The following EPB41 variants were observed in gnomAD, a reference collection of about 807,000 sequenced individuals.
EPB41 encodes the protein protein 4.1.
Under a neutral mutation model 108.0 loss-of-function variants are expected in EPB41, and 65 were observed. The observed-to-expected ratio is 0.60, with a 90% CI of 0.49 to 0.74. The LOEUF (loss-of-function observed/expected upper bound fraction) is 0.74, where lower values mean the gene tolerates loss of function less well. EPB41 is among the 30% of genes least tolerant of loss of function. The pLI, the probability that EPB41 is intolerant of heterozygous loss-of-function variation, is 0.00. For synonymous variants in EPB41, 336 were observed against 358.9 expected, an observed-to-expected ratio of 0.94 and a Z score of 0.72; for missense variants, 875 against 1,037.0, an observed-to-expected ratio of 0.84 and a Z score of 2.15.
intron 7 of EPB41, among the ~76,000 whole-genome samples, chr1:29,029,249 T>C (rs1174582638): frequency 6.6e-6 from 1 of 152,154 alleles, no homozygotes; most frequent in Non-Finnish European, 1.5e-5. Context: ...TTTTTAATCT[T>C]CAATTTCAGG....
chr1:28,987,353 T>C (rs1557920512), intron 1 of EPB41, 78 bp from the exon 2 acceptor site: 9 of 1,258,150 alleles, frequency 7.2e-6, no homozygotes, highest in Non-Finnish European at 9.3e-6. Context: ...GTATATTAAT[T>C]TTTTAGGGTT....
At chr1:29,069,417 T>C (rs528064671) in intron 16 of EPB41, 1 of 1,227,638 alleles carries the variant, frequency 8.1e-7, no homozygotes, top group South Asian at 4.3e-5. Flanking sequence ...TTGCTTAAAG[T>C]AATGTATAAA....
chr1:28,993,551 G>A lies in EPB41; in HGVS notation c.681+9G>A, dbSNP rs1243546789. 1.9e-6 allele frequency: 3 copies of A among 1,612,050 alleles called. No individual in the cohort carries two copies. The highest frequency in any genetic ancestry group is 1.7e-5 in the Admixed American group (1 of 59,928). On this transcript the variant is annotated intron_variant, in intron 3 of 20. Transcript: ENST00000343067. ...ATGAATGTGTTGTGGAGGTGAGTATGTTTTCATTTCCAACAATCAGAACTC... is the reference window on the plus strand; with the variant it reads ...ATGAATGTGTTGTGGAGGTGAGTATATTTTCATTTCCAACAATCAGAACTC...
At chr1:29,109,254 A>G in intron 17 of EPB41, 82 bp from the exon 18 acceptor site, 1 of 1,025,358 alleles carries the variant, frequency 9.8e-7, no homozygotes, top group South Asian at 1.3e-5. Context: ...CAGAATGTGC[A>G]GCTGAAGAGC....
intron 1 of EPB41, among the ~76,000 whole-genome samples, chr1:28,899,680 C>G (rs1302650041): frequency 6.6e-6 from 1 of 152,060 alleles, no homozygotes; most frequent in African/African-American, 2.4e-5. Flanking sequence ...GGTTCACAGC[C>G]CCAAAAATGG....
In EPB41 at chr1:29,030,541, CAT is replaced by C. The variant is rs2096775211; in HGVS notation, c.1212+55_1212+56del. 6.3e-6 allele frequency: 8 copies of C among 1,279,450 alleles called. No individual in the cohort carries two copies. The South Asian group carries it at 9.5e-5, about 15-fold the overall frequency. The allele number at this position is 1,279,450 out of a possible 1,614,324, so 79.3% of individuals were successfully genotyped here. A position where few individuals can be genotyped will look rare whatever the true frequency, so the allele number is the denominator to read the frequency against. ...TGCATGTGGAAGATATTATATGATA[CAT>C]GTCTGTTATGTATGTATCACATCTG... is the stretch of plus-strand genomic sequence containing the variant. On this transcript the variant is annotated intron_variant, in intron 8 of 20. Transcript: ENST00000343067.
chr1:29,056,255 CAACAAAACAAAACAA>C (rs1184414197), intron 12 of EPB41, among the ~76,000 whole-genome samples: 1 of 146,650 alleles, frequency 6.8e-6, no homozygotes, highest in Non-Finnish European at 1.5e-5. Flanking sequence ...AAACAAAAAA[CAACAAAACAAAACAA>C]AACAAAACAA....
At chr1:29,113,327 T>A (rs774437158) in intron 19 of EPB41, among the ~76,000 whole-genome samples, 1 of 152,208 alleles carries the variant, frequency 6.6e-6, no homozygotes, top group Non-Finnish European at 1.5e-5. Context: ...GTGGCCTTTT[T>A]ATGCTGATAT....
chr1:28,993,336 C>T lies in EPB41; in HGVS notation c.475C>T (p.Gln159Ter). 1 of 1,612,344 alleles carries T rather than the reference C, an allele frequency of 6.2e-7. No individual in the cohort carries two copies. Among genetic ancestry groups the T allele is most frequent in the Non-Finnish European group, 8.5e-7 (1 of 1,179,872 alleles). Residue 159 changes from glutamine to a stop codon, truncating the protein, a stop_gained, in exon 3 of 21, where the codon CAG becomes TAG. Transcript: ENST00000343067. LOFTEE classifies it high-confidence loss of function. ...SLSSAETQPA[Q>*]EELREDPDFE... ...CGATGTCATGGATATGTAGCCTGCT[C>T]AGGAAGAACTCAGAGAAGATCCAGA...
rs1279955637 is a variant in EPB41 at position 29,099,284 on chromosome 1, AAAG to A, written c.2313+1363_2313+1365del. On this transcript the variant is annotated intron_variant, in intron 17 of 20. Transcript: ENST00000343067. ...CCACTGCATTAAAAAAAAAAAAAAAAAAGAAGAAGAAGAAGAGATTACTGGTGA... is the reference window on the plus strand; with the variant it reads ...CCACTGCATTAAAAAAAAAAAAAAAAAAGAAGAAGAAGAGATTACTGGTGA... Among the ~76,000 whole-genome samples the A allele has an allele frequency of 1.6e-3, 238 of 150,430 alleles. 2 individuals are homozygous for A. The highest frequency in any genetic ancestry group is 3.4e-3 in the Middle Eastern group (1 of 290).
intron 7 of EPB41, 104 bp from the exon 8 acceptor site, chr1:29,030,296 G>A (rs2096772246): frequency 1.2e-6 from 1 of 853,446 alleles, no homozygotes; most frequent in African/African-American, 1.7e-5. Context: ...TAATATAGTG[G>A]TATGTATATG....
intron 1 of EPB41, among the ~76,000 whole-genome samples, chr1:28,983,466 T>G (rs1231386456): frequency 6.6e-6 from 1 of 152,186 alleles, no homozygotes; most frequent in East Asian, 1.9e-4. Flanking sequence ...ATTAGAATTG[T>G]AGAATCTCAG....
At chr1:28,974,447 G>A (rs909699411) in intron 1 of EPB41, among the ~76,000 whole-genome samples, 16 of 152,174 alleles carry the variant, frequency 1.1e-4, no homozygotes, top group African/African-American at 3.9e-4. Flanking sequence ...AAGGGTAGAG[G>A]TTAGTGAGGT....
At chr1:29,036,315 C>T (rs971693082) in intron 10 of EPB41, among the ~76,000 whole-genome samples, 5 of 143,538 alleles carry the variant, frequency 3.5e-5, no homozygotes, top group Non-Finnish European at 6.0e-5. Flanking sequence ...GCTGGAGTGC[C>T]GTGGCGCGAT....
intron 11 of EPB41, among the ~76,000 whole-genome samples, chr1:29,046,545 A>T (rs1027250237): frequency 3.3e-5 from 5 of 152,154 alleles, no homozygotes; most frequent in African/African-American, 1.2e-4. Context: ...TCCATCTCGC[A>T]TTTTTAATTT....
At chr1:28,922,204 C>G (rs2093147772) in intron 1 of EPB41, among the ~76,000 whole-genome samples, 2 of 151,420 alleles carry the variant, frequency 1.3e-5, no homozygotes, top group Admixed American at 6.6e-5. Flanking sequence ...TCCTGACCTC[C>G]TGGTCCGCCC....
intron 1 of EPB41, among the ~76,000 whole-genome samples, chr1:28,901,093 C>A (rs1056377441): frequency 6.6e-6 from 1 of 151,744 alleles, no homozygotes; most frequent in East Asian, 1.9e-4. Flanking sequence ...CCAAGCCCGG[C>A]TAATTTTTTG....
At chr1:28,996,486 A>G (rs1266544088) in intron 3 of EPB41, among the ~76,000 whole-genome samples, 3 of 152,206 alleles carry the variant, frequency 2.0e-5, no homozygotes, top group Admixed American at 6.5e-5. Context: ...CACAGCCACA[A>G]TTAAATGTCA....
chr1:29,115,263 C>T lies in EPB41; in HGVS notation c.2497-436C>T, dbSNP rs1670524245. 6.6e-6 allele frequency among the ~76,000 whole-genome samples: 1 copy of T among 152,104 alleles called. No individual in the cohort carries two copies. Among genetic ancestry groups the T allele is most frequent in the African/African-American group, 2.4e-5 (1 of 41,404 alleles). On this transcript the variant is annotated intron_variant, in intron 19 of 20. Coordinates refer to ENST00000343067, the MANE Select transcript of EPB41 (RefSeq NM_001376013.1). This position sits in a 1 kb window ranked among gnomAD's most constrained non-coding sequence, Gnocchi z 4.4. ...CAAAAATTAGCTGGGCGTAGTGGTA[C>T]ACACCCGTAATCCCAGCTACTCAGG...
Sources: gnomAD v4.1 joint callset for allele counts (sites outside exome capture counted in the v4.1 genomes callset) on GRCh38, gnomAD v4.1.1 for gene constraint, Gnocchi (gnomAD v3.1) non-coding constraint, MANE v1.5 for transcripts, NCBI Gene and HGNC (gene_info 2026-07-23, HGNC 2026-07-21) for gene names.